Variants in WWC1 observed in about 807,000 individuals in gnomAD.
The protein encoded by WWC1 is WW and C2 domain containing 1.
A neutral mutation model predicts 138.4 loss-of-function variants in WWC1; 55 were observed. The ratio of observed to expected loss-of-function variants is 0.40; its 90% CI spans 0.32 to 0.50. The LOEUF is 0.50. Among genes scored for constraint, WWC1 ranks in the 20% least tolerant of loss-of-function variants. The pLI is 0.72. For synonymous variants in WWC1, 524 were observed against 564.9 expected (o/e 0.93, Z 1.03); for missense variants, 1,226 against 1,420.4 (o/e 0.86, Z 2.20).
intron 19 of WWC1, among the ~76,000 whole-genome samples, chr5:168,455,907 A>T (rs1756271282): frequency 6.6e-6 from 1 of 152,012 alleles, no homozygotes; most frequent in Non-Finnish European, 1.5e-5. Context: ...GCAAAATTAC[A>T]GCAGATCTGG....
At position 168,374,757 on chromosome 5, in the gene WWC1, G is replaced by A. The variant is rs546999808; in HGVS notation, c.229+3224G>A. 3.3e-5 allele frequency among the ~76,000 whole-genome samples: 5 copies of A among 152,290 alleles called. No homozygotes were observed. In the South Asian group the frequency reaches 1.0e-3, roughly 32 times the overall value. On this transcript the variant is annotated intron_variant, in intron 2 of 22. Coordinates refer to ENST00000265293, the MANE Select transcript of WWC1 (RefSeq NM_015238.3). ...CATGCTGAGAATACACCTTATTAGG[G>A]CAAGGGTGGAGGCAAGGAGACTTGT... is the stretch of plus-strand genomic sequence containing the variant.
chr5:168,312,396 C>T (rs912274776), intron 1 of WWC1, among the ~76,000 whole-genome samples: 1 of 152,180 alleles, frequency 6.6e-6, no homozygotes, highest in African/African-American at 2.4e-5. Flanking sequence ...TGCCCAAGGT[C>T]GCACAGCTAG....
At chr5:168,465,273 G>A (rs544782371) in intron 21 of WWC1, among the ~76,000 whole-genome samples, 14 of 152,268 alleles carry the variant, frequency 9.2e-5, no homozygotes, top group African/African-American at 3.1e-4. Flanking sequence ...AATACGTAGG[G>A]TACCCAGTCT....
At chr5:168,356,506 C>T (rs548910717) in intron 1 of WWC1, among the ~76,000 whole-genome samples, 75 of 152,304 alleles carry the variant, frequency 4.9e-4, no homozygotes, top group African/African-American at 1.7e-3. Context: ...GGAGAATTCC[C>T]CGGCCCACAC....
intron 1 of WWC1, among the ~76,000 whole-genome samples, chr5:168,316,103 T>C (rs1045401881): frequency 6.6e-6 from 1 of 152,176 alleles, no homozygotes; most frequent in Non-Finnish European, 1.5e-5. Flanking sequence ...ATAGAACTAT[T>C]GGACCATGAA....
intron 4 of WWC1, among the ~76,000 whole-genome samples, chr5:168,398,939 G>A (rs1779110515): frequency 6.6e-6 from 1 of 152,298 alleles, no homozygotes; most frequent in Admixed American, 6.5e-5. Flanking sequence ...TTGATTATTA[G>A]CAACTCATTT....
At chr5:168,356,599 G>A (rs1775442072) in intron 1 of WWC1, among the ~76,000 whole-genome samples, 1 of 152,196 alleles carries the variant, frequency 6.6e-6, no homozygotes, top group South Asian at 2.1e-4. Flanking sequence ...AATCCACAAG[G>A]ATCCTTTCTA....
chr5:168,419,430 G>A (rs1780914236), intron 9 of WWC1, among the ~76,000 whole-genome samples: 1 of 152,212 alleles, frequency 6.6e-6, no homozygotes, highest in Non-Finnish European at 1.5e-5. Flanking sequence ...ACTGTGCTGG[G>A]TGCTAGGTGC....
chr5:168,317,968 C>T (rs1051490395), intron 1 of WWC1, among the ~76,000 whole-genome samples: 3 of 152,098 alleles, frequency 2.0e-5, no homozygotes, highest in Non-Finnish European at 2.9e-5. Context: ...TGGAGAGACC[C>T]GAGGGTCTTG....
chr5:168,389,597 GTTTTTTT>G (rs55873477), intron 3 of WWC1, among the ~76,000 whole-genome samples: 7,523 of 129,266 alleles, frequency 0.058, 235 homozygotes, highest in East Asian at 0.17. Context: ...TTGAATTTTT[GTTTTTTT>G]TTTTTTTTTT....
At chr5:168,455,589 A>C (rs1162227021) in intron 19 of WWC1, 69 bp downstream of exon 19, 5 of 1,565,980 alleles carry the variant, frequency 3.2e-6, no homozygotes, top group Non-Finnish European at 4.3e-6. Flanking sequence ...GGCTGGGTGC[A>C]AATCCCATTA....
At chr5:168,440,621 A>C (rs1251350201) in intron 15 of WWC1, among the ~76,000 whole-genome samples, 2 of 152,136 alleles carry the variant, frequency 1.3e-5, no homozygotes, top group African/African-American at 4.8e-5. Context: ...GAGTTCAAAC[A>C]ATTCTCCTGC....
chr5:168,425,495 T>C (rs1781433317), intron 11 of WWC1, among the ~76,000 whole-genome samples: 1 of 61,784 alleles, frequency 1.6e-5, no homozygotes, highest in South Asian at 3.7e-4. Context: ...TTTAATCTCC[T>C]TTTTTTTTTT....
chr5:168,450,192 TAG>T (rs1755673297), intron 17 of WWC1, among the ~76,000 whole-genome samples: 2 of 152,172 alleles, frequency 1.3e-5, no homozygotes, highest in African/African-American at 4.8e-5. Flanking sequence ...AAGATGGGAA[TAG>T]AGATAAATTA....
chr5:168,354,633 C>T (rs886402045), intron 1 of WWC1, among the ~76,000 whole-genome samples: 6 of 152,170 alleles, frequency 3.9e-5, no homozygotes, highest in Admixed American at 1.3e-4. Context: ...ACCCAATTCC[C>T]GGGTCTGACT....
intron 9 of WWC1, among the ~76,000 whole-genome samples, chr5:168,419,755 T>C (rs902548545): frequency 2.6e-5 from 4 of 152,098 alleles, no homozygotes; most frequent in Non-Finnish European, 5.9e-5. Context: ...CTTTATTTTG[T>C]AGTGGGCCCA....
chr5:168,333,678 T>A (rs189999707), intron 1 of WWC1, among the ~76,000 whole-genome samples: 130 of 152,260 alleles, frequency 8.5e-4, no homozygotes, highest in Non-Finnish European at 1.6e-3. Context: ...GAGGGACATT[T>A]GGAAGGAGCA....
rs575879473 is a variant in WWC1, at chr5:168,441,963, A to C, written c.2433+129A>C. The C allele has an allele frequency of 8.6e-5, 117 of 1,355,928 alleles. No individual in the cohort carries two copies. In the African/African-American group the frequency reaches 1.4e-3, roughly 17 times the overall value. The allele number at this position is 1,355,928 out of a possible 1,614,324, so 84.0% of individuals were successfully genotyped here. On this transcript the variant is annotated intron_variant, in intron 16 of 22. Transcript: ENST00000265293. ...AACAATGGGGTGGAGGAAGTAGGAG[A>C]AGAAGACAGGGAAGGAGAGATCTCC...
At chr5:168,434,701 G>T (rs1054523117) in intron 15 of WWC1, among the ~76,000 whole-genome samples, 1 of 152,180 alleles carries the variant, frequency 6.6e-6, no homozygotes, top group Non-Finnish European at 1.5e-5. Flanking sequence ...CATGTCCCCA[G>T]ACCCAGATTA....
Sources: allele counts gnomAD v4.1 joint callset (sites outside exome capture counted in the v4.1 genomes callset), GRCh38; gene constraint gnomAD v4.1.1; transcripts MANE v1.5; gene names NCBI Gene and HGNC (gene_info 2026-07-23, HGNC 2026-07-21).